The following HDHD2 variants were observed in gnomAD, a reference collection of about 807,000 sequenced individuals.
HDHD2 encodes haloacid dehalogenase-like hydrolase domain-containing protein 2.
A neutral mutation model predicts 24.8 loss-of-function variants in HDHD2; 26 were observed. The observed-to-expected ratio is 1.05, with a 90% confidence interval of 0.77 to 1.45. The LOEUF is 1.45. Among genes scored for constraint, HDHD2 ranks in the 40% most tolerant of loss-of-function variants. HDHD2 has a pLI of 0.00. For synonymous variants in HDHD2, 128 were observed against 114.9 expected (o/e 1.11, Z -0.73); for missense variants, 299 against 313.4 (o/e 0.95, Z 0.35).
chr18:47,122,275 T>C (rs1175409978), intron 4 of HDHD2, among the ~76,000 whole-genome samples: 2 of 152,140 alleles, frequency 1.3e-5, no homozygotes, highest in Non-Finnish European at 2.9e-5. Context: ...TAATGGCGAG[T>C]CACTTCACAT....
At chr18:47,114,987 A>T in intron 5 of HDHD2, 145 bp downstream of exon 5, 1 of 596,116 alleles carries the variant, frequency 1.7e-6, no homozygotes, top group Non-Finnish European at 3.0e-6. Context: ...ATCGACAGGA[A>T]ACCTCATTTT....
At chr18:47,141,849 T>C (rs1367844219) in intron 1 of HDHD2, among the ~76,000 whole-genome samples, 1 of 152,210 alleles carries the variant, frequency 6.6e-6, no homozygotes, top group Non-Finnish European at 1.5e-5. Context: ...AATCTCATCT[T>C]GAATCGTAGC....
chr18:47,145,345 G>T (rs1243951140), intron 1 of HDHD2, among the ~76,000 whole-genome samples: 1 of 152,198 alleles, frequency 6.6e-6, no homozygotes, highest in Non-Finnish European at 1.5e-5. Context: ...CAAGAAAGTA[G>T]GCGTTGCTTT....
At chr18:47,111,820 ACATTTT>A (rs1367571955) in intron 6 of HDHD2, 1 of 984,818 alleles carries the variant, frequency 1.0e-6, no homozygotes, top group Non-Finnish European at 1.2e-6. Context: ...TCAAGCAACC[ACATTTT>A]CTTGAACAAA....
At chr18:47,117,546 A>C (rs1379226983) in intron 4 of HDHD2, among the ~76,000 whole-genome samples, 1 of 152,196 alleles carries the variant, frequency 6.6e-6, no homozygotes. Flanking sequence ...TAGCCTCCAC[A>C]ACTATAAGAA....
At chr18:47,111,862 T>C in intron 6 of HDHD2, 1 of 941,260 alleles carries the variant, frequency 1.1e-6, no homozygotes, top group Non-Finnish European at 1.3e-6. Flanking sequence ...TTCTAAAAAA[T>C]TCCCCAGTTG....
intron 1 of HDHD2, 98 bp from the exon 2 acceptor site, chr18:47,136,547 T>A: frequency 1.0e-6 from 1 of 962,462 alleles, no homozygotes; most frequent in Non-Finnish European, 1.5e-6. Context: ...TCCAGAAAGA[T>A]CCTGCTTAGT....
At chr18:47,114,126 G>T (rs748932684) in intron 5 of HDHD2, among the ~76,000 whole-genome samples, 4 of 152,168 alleles carry the variant, frequency 2.6e-5, no homozygotes, top group Non-Finnish European at 5.9e-5. Flanking sequence ...GCAGCTAAAG[G>T]CTTGTCAAGA....
intron 6 of HDHD2, 125 bp from the exon 7 acceptor site, chr18:47,108,910 T>A: frequency 1.6e-6 from 1 of 607,778 alleles, no homozygotes. Context: ...GGGCTGCACA[T>A]CTCCCAAATC....
At chr18:47,142,326 A>G (rs868024870) in intron 1 of HDHD2, among the ~76,000 whole-genome samples, 1 of 152,140 alleles carries the variant, frequency 6.6e-6, no homozygotes, top group Admixed American at 6.5e-5. Flanking sequence ...TGTTAACTAG[A>G]TATCTACCTA....
chr18:47,133,630 C>G (rs1304530985), intron 3 of HDHD2, among the ~76,000 whole-genome samples: 2 of 152,130 alleles, frequency 1.3e-5, no homozygotes, highest in African/African-American at 2.4e-5. Flanking sequence ...TCCACATTCT[C>G]TCCAGCATCT....
chr18:47,134,470 C>T, intron 3 of HDHD2, 26 bp downstream of exon 3: 3 of 1,515,430 alleles, frequency 2.0e-6, no homozygotes, highest in Non-Finnish European at 2.7e-6. Context: ...AATATCCAAT[C>T]TTTAAATTTT....
At chr18:47,148,473 A>G (rs917702646) in intron 1 of HDHD2, among the ~76,000 whole-genome samples, 3 of 152,236 alleles carry the variant, frequency 2.0e-5, no homozygotes, top group African/African-American at 7.2e-5. Flanking sequence ...ACCCCTTAGA[A>G]GAGCCATAAA....
chr18:47,111,342 A>G (rs2063514328), intron 6 of HDHD2: 3 of 983,186 alleles, frequency 3.1e-6, no homozygotes, highest in Non-Finnish European at 3.6e-6. Context: ...TTTGAAGCTC[A>G]GTGTAAATCC....
In HDHD2 at chr18:47,108,495, G is replaced by C. The variant is rs2063490584; in HGVS notation, c.*187C>G. Reference sequence around the variant, plus strand: ...TCTCATCTTCAGTTACAAAATAAAAGAGATTAGCAAGGCTTACTGGCTAGC... The same window carrying C: ...TCTCATCTTCAGTTACAAAATAAAACAGATTAGCAAGGCTTACTGGCTAGC... On this transcript the variant is annotated 3_prime_UTR_variant, in exon 7 of 7. Coordinates refer to ENST00000300605, the MANE Select transcript of HDHD2 (RefSeq NM_032124.5). The C allele has an allele frequency of 2.2e-6, 1 of 446,572 alleles. No homozygotes were observed. The highest frequency in any genetic ancestry group is 3.9e-6 in the Non-Finnish European group (1 of 256,670). 27.7% of individuals were successfully genotyped at this position (446,572 alleles called of 1,614,324 possible).
intron 4 of HDHD2, among the ~76,000 whole-genome samples, chr18:47,124,386 A>T (rs541171399): frequency 6.6e-6 from 1 of 152,284 alleles, no homozygotes; most frequent in South Asian, 2.1e-4. Flanking sequence ...CATATATTCA[A>T]CCAAAGTCTT....
At chr18:47,109,990 T>C in intron 6 of HDHD2, 1 of 985,348 alleles carries the variant, frequency 1.0e-6, no homozygotes, top group Non-Finnish European at 1.2e-6. Context: ...AGGGAGGAAA[T>C]GCAGAACGCA....
Position 47,136,400 on chromosome 18 carries a change from G to C in HDHD2, c.40C>G (p.Leu14Val). 6.2e-7 allele frequency: 1 copy of C among 1,612,976 alleles called. No individual in the cohort carries two copies. Among genetic ancestry groups the C allele is most frequent in the Non-Finnish European group, 8.5e-7 (1 of 1,179,794 alleles). The change falls in exon 2 of 7, where the codon CTC becomes GTC. Residue 14 changes from leucine (L) to valine (V), a missense_variant. Physicochemically the swap from Leu to Val is conservative, Grantham distance 32. Coordinates refer to ENST00000300605, the MANE Select transcript of HDHD2 (RefSeq NM_032124.5). ...CRALKAVLVD[L>V]SGTLHIEDAA... The stretch of plus-strand genomic sequence containing the variant: ...TCTTCAATGTGAAGTGTGCCACTGA[G>C]ATCTACCAAAACAGCTTTTAATGCA...
intron 1 of HDHD2, chr18:47,137,473 G>A (rs1259498678): frequency 5.4e-6 from 1 of 185,044 alleles, no homozygotes; most frequent in East Asian, 1.6e-4. Flanking sequence ...TGGTATATGT[G>A]CACAAGCATA....
Sources: gnomAD v4.1 joint callset for allele counts (sites outside exome capture counted in the v4.1 genomes callset) on GRCh38, gnomAD v4.1.1 for gene constraint, MANE v1.5 for transcripts, NCBI Gene and HGNC (gene_info 2026-07-23, HGNC 2026-07-21) for gene names.